SEZ6L: variants seen among roughly 807,000 people sequenced by gnomAD.
SEZ6L encodes the protein seizure related 6 homolog like.
Under a neutral mutation model 106.2 loss-of-function variants are expected in SEZ6L, and 37 were observed. The ratio of observed to expected loss-of-function variants is 0.35; its 90% CI spans 0.27 to 0.46. The LOEUF (loss-of-function observed/expected upper bound fraction) is 0.46. SEZ6L is among the 20% of genes least tolerant of loss of function. The pLI, the probability that SEZ6L is intolerant of heterozygous loss-of-function variation, is 1.00. For synonymous variants in SEZ6L, 541 were observed against 570.4 expected, an observed-to-expected ratio of 0.95 and a Z score of 0.73; for missense variants, 1,172 against 1,332.8, an observed-to-expected ratio of 0.88 and a Z score of 1.88.
At chr22:26,368,076 G>T (rs2083882253) in intron 13 of SEZ6L, among the ~76,000 whole-genome samples, 1 of 152,162 alleles carries the variant, frequency 6.6e-6, no homozygotes, top group African/African-American at 2.4e-5. Context: ...TTGCTTTAGT[G>T]CCCCTTTGAG....
intron 1 of SEZ6L, among the ~76,000 whole-genome samples, chr22:26,290,128 G>T (rs1387914294): frequency 6.6e-6 from 1 of 152,234 alleles, no homozygotes; most frequent in Non-Finnish European, 1.5e-5. Context: ...CTGAGGCTTG[G>T]AGAGTGAAGT....
At chr22:26,328,640 G>T (rs1229332415) in intron 9 of SEZ6L, among the ~76,000 whole-genome samples, 1 of 152,228 alleles carries the variant, frequency 6.6e-6, no homozygotes, top group Non-Finnish European at 1.5e-5. Flanking sequence ...AAATGGCTCA[G>T]TCCAGAGATG....
chr22:26,236,068 C>T (rs2078949612), intron 1 of SEZ6L, among the ~76,000 whole-genome samples: 1 of 152,234 alleles, frequency 6.6e-6, no homozygotes, highest in Non-Finnish European at 1.5e-5. Context: ...AACTTGAAAT[C>T]TGCATCTCAG....
intron 1 of SEZ6L, among the ~76,000 whole-genome samples, chr22:26,188,539 A>G (rs927687086): frequency 6.6e-6 from 1 of 152,222 alleles, no homozygotes; most frequent in African/African-American, 2.4e-5. Context: ...GAAGCTCTCT[A>G]AACATGACTT....
chr22:26,238,570 A>T (rs2079019573), intron 1 of SEZ6L, among the ~76,000 whole-genome samples: 1 of 152,256 alleles, frequency 6.6e-6, no homozygotes, highest in Non-Finnish European at 1.5e-5. Flanking sequence ...GGCCAGATAA[A>T]GAAAGTACAT....
At chr22:26,329,601 T>C (rs1479187858) in intron 9 of SEZ6L, among the ~76,000 whole-genome samples, 1 of 152,254 alleles carries the variant, frequency 6.6e-6, no homozygotes, top group African/African-American at 2.4e-5. Context: ...TTTTATCAAA[T>C]TAAATTGAAA....
intron 1 of SEZ6L, among the ~76,000 whole-genome samples, chr22:26,172,305 T>G (rs1277926020): frequency 1.3e-5 from 2 of 152,202 alleles, no homozygotes; most frequent in Non-Finnish European, 2.9e-5. Context: ...TTATTTTCCA[T>G]AGAGTTTTGC....
intron 9 of SEZ6L, among the ~76,000 whole-genome samples, chr22:26,330,993 G>A (rs1416877405): frequency 6.6e-6 from 1 of 152,192 alleles, no homozygotes; most frequent in East Asian, 1.9e-4. Flanking sequence ...TCAAATGTTT[G>A]TTTAGAAAGG....
intron 1 of SEZ6L, among the ~76,000 whole-genome samples, chr22:26,280,054 C>G (rs2080711215): frequency 6.6e-6 from 1 of 152,108 alleles, no homozygotes; most frequent in East Asian, 1.9e-4. Context: ...TCTTTGAGCC[C>G]AAACCTCATT....
intron 9 of SEZ6L, among the ~76,000 whole-genome samples, chr22:26,320,621 G>A (rs1179954991): frequency 6.6e-6 from 1 of 152,170 alleles, no homozygotes; most frequent in Non-Finnish European, 1.5e-5. Context: ...ATGCAGCCCC[G>A]CCCCCGGGGA....
chr22:26,207,369 C>T (rs1941328943), intron 1 of SEZ6L, among the ~76,000 whole-genome samples: 1 of 152,294 alleles, frequency 6.6e-6, no homozygotes, highest in Non-Finnish European at 1.5e-5. Context: ...TGAAGCAAGA[C>T]ATTTAGCTTC....
At chr22:26,348,646 A>AAGAAAGAAAAAGAAAGAAAG (rs1556371589) in intron 11 of SEZ6L, among the ~76,000 whole-genome samples, 3 of 7,692 alleles carry the variant, frequency 3.9e-4, no homozygotes, top group East Asian at 0.01. Flanking sequence ...GAAAGAAAGA[A>AAGAAAGAAAAAGAAAGAAAG]AAAGAAAGAA....
chr22:26,357,230 C>T (rs954875793), intron 12 of SEZ6L, among the ~76,000 whole-genome samples: 2 of 152,180 alleles, frequency 1.3e-5, no homozygotes, highest in Non-Finnish European at 1.5e-5. Flanking sequence ...CAGCCATGCG[C>T]CACTGTGCCC....
At chr22:26,364,595 G>T (rs1350326407) in intron 12 of SEZ6L, among the ~76,000 whole-genome samples, 1 of 152,164 alleles carries the variant, frequency 6.6e-6, no homozygotes, top group Non-Finnish European at 1.5e-5. Flanking sequence ...GGTACTTTGT[G>T]TCTGCAGCTG....
intron 1 of SEZ6L, among the ~76,000 whole-genome samples, chr22:26,263,970 A>G (rs540217873): frequency 1.3e-4 from 20 of 152,228 alleles, no homozygotes; most frequent in Non-Finnish European, 2.8e-4. Flanking sequence ...CTCCAGCCAG[A>G]AAGTAGAGTG....
chr22:26,197,857 C>A (rs764309443), intron 1 of SEZ6L, among the ~76,000 whole-genome samples: 4 of 152,052 alleles, frequency 2.6e-5, no homozygotes, highest in African/African-American at 9.7e-5. Flanking sequence ...AAGAGAATGC[C>A]GCCATCCAAT....
At chr22:26,181,104 G>C (rs1939360844) in intron 1 of SEZ6L, among the ~76,000 whole-genome samples, 1 of 152,212 alleles carries the variant, frequency 6.6e-6, no homozygotes, top group Non-Finnish European at 1.5e-5. Context: ...GGTGGATAGA[G>C]AGAATGCAAT....
At chr22:26,279,824 T>C (rs78205952) in intron 1 of SEZ6L, among the ~76,000 whole-genome samples, 2,208 of 152,282 alleles carry the variant, frequency 0.014, 50 homozygotes, top group African/African-American at 0.051. Flanking sequence ...GGGGACTCCC[T>C]GCAGGAGAGA....
chr22:26,197,642 C>A (rs1232508054), intron 1 of SEZ6L, among the ~76,000 whole-genome samples: 2 of 152,138 alleles, frequency 1.3e-5, no homozygotes, highest in African/African-American at 4.8e-5. Context: ...ATAACTACTC[C>A]CAGCCCAGTC....
Sources: allele counts gnomAD v4.1 joint callset (sites outside exome capture counted in the v4.1 genomes callset), GRCh38; gene constraint gnomAD v4.1.1; transcripts MANE v1.5; gene names NCBI Gene and HGNC (gene_info 2026-07-23, HGNC 2026-07-21).